The following SEPTIN9 variants were observed in gnomAD, a reference collection of about 807,000 sequenced individuals.
SEPTIN9 encodes septin-9.
A neutral mutation model predicts 56.6 loss-of-function variants in SEPTIN9; 13 were observed. The ratio of observed to expected loss-of-function variants is 0.23; its 90% CI spans 0.15 to 0.37. The LOEUF is 0.37. Among genes scored for constraint, SEPTIN9 ranks in the 10% least tolerant of loss-of-function variants. The pLI is 1.00. For synonymous variants in SEPTIN9, 332 were observed against 334.1 expected, an observed-to-expected ratio of 0.99 and a Z score of 0.07; for missense variants, 650 against 823.1, an observed-to-expected ratio of 0.79 and a Z score of 2.57.
intron 2 of SEPTIN9, among the ~76,000 whole-genome samples, chr17:77,335,610 C>A (rs935117664): frequency 6.7e-6 from 1 of 149,468 alleles, no homozygotes; most frequent in Non-Finnish European, 1.5e-5. Flanking sequence ...ACATGTAGGC[C>A]CCATGTTGAC....
At chr17:77,299,922 C>T (rs2031963183) in intron 1 of SEPTIN9, among the ~76,000 whole-genome samples, 1 of 152,236 alleles carries the variant, frequency 6.6e-6, no homozygotes, top group South Asian at 2.1e-4. Context: ...TGGCTCTCCC[C>T]CAGCCCTCCT....
At chr17:77,461,253 C>T (rs1211977989) in intron 3 of SEPTIN9, among the ~76,000 whole-genome samples, 1 of 151,954 alleles carries the variant, frequency 6.6e-6, no homozygotes, top group East Asian at 1.9e-4. Context: ...TTGCAGTGAG[C>T]CGAGATCACA....
chr17:77,341,219 C>G (rs2044241648), intron 2 of SEPTIN9, among the ~76,000 whole-genome samples: 1 of 152,156 alleles, frequency 6.6e-6, no homozygotes, highest in African/African-American at 2.4e-5. Context: ...TCAGCTTAAT[C>G]ATTTCTAGCT....
chr17:77,464,539 A>C (rs1248010859), intron 3 of SEPTIN9, among the ~76,000 whole-genome samples: 1 of 151,758 alleles, frequency 6.6e-6, no homozygotes, highest in Non-Finnish European at 1.5e-5. Context: ...TCACAGACAC[A>C]CTCAGAATAA....
rs751525520 is a variant in SEPTIN9 at position 77,429,272 on chromosome 17, T to G, written c.721+26569T>G. ...ACCGTGACCTTGATCTGACCGTAAT[T>G]TTGATGGTGCCGATGCCGTCAGCAC... is the stretch of plus-strand genomic sequence containing the variant. On this transcript the variant is annotated intron_variant, in intron 3 of 11. Transcript: ENST00000427177. The surrounding 1 kb of genome is among the most constrained non-coding windows in gnomAD (Gnocchi z 5.2). 8.5e-6 allele frequency: 4 copies of G among 471,236 alleles called. No homozygotes were observed. The highest frequency in any genetic ancestry group is 1.8e-5 in the Non-Finnish European group (4 of 227,180). 29.2% of individuals were successfully genotyped at this position (471,236 alleles called of 1,614,324 possible).
In SEPTIN9 at chr17:77,402,030, C is replaced by T. The variant is rs8082532; in HGVS notation, c.77-29C>T. 1,049 of 1,601,820 alleles carry T rather than the reference C, an allele frequency of 6.5e-4. 4 individuals carry two copies. The African/African-American group carries it at 0.013, about 19-fold the overall frequency. ...GAGTGTTCCCTAGCCATCCATTCAC[C>T]AATTGCATCCCCTCTCTTTATTTTT... On this transcript the variant is annotated intron_variant, in intron 2 of 11. Coordinates refer to ENST00000427177, the MANE Select transcript of SEPTIN9 (RefSeq NM_001113491.2). The surrounding 1 kb of genome is among the most constrained non-coding windows in gnomAD (Gnocchi z 6.6).
chr17:77,420,650 C>CTGT (rs2036666468), intron 3 of SEPTIN9, among the ~76,000 whole-genome samples: 1 of 152,132 alleles, frequency 6.6e-6, no homozygotes, highest in African/African-American at 2.4e-5. Context: ...CTCCTGCTGC[C>CTGT]CCTGCTCCTC....
At chr17:77,308,369 C>T (rs978174504) in intron 2 of SEPTIN9, among the ~76,000 whole-genome samples, 9 of 152,232 alleles carry the variant, frequency 5.9e-5, no homozygotes, top group East Asian at 1.9e-4. Context: ...CAGGACAAGG[C>T]GCCTACGGGG....
At position 77,498,504 on chromosome 17, in the gene SEPTIN9, C is replaced by T; in HGVS notation, c.1626-19C>T. On this transcript the variant is annotated intron_variant, in intron 11 of 11. Transcript: ENST00000427177. ...CGCTGCGCCCACCTCACTGACCCGC[C>T]CGCCCCCCACCCCCACAGGACGCAC... 6.7e-6 allele frequency: 3 copies of T among 447,558 alleles called. No individual in the cohort carries two copies. Among genetic ancestry groups the T allele is most frequent in the Non-Finnish European group, 1.3e-5 (3 of 226,780 alleles). 27.7% of individuals were successfully genotyped at this position (447,558 alleles called of 1,614,324 possible).
At chr17:77,396,334 C>T (rs142602943) in intron 2 of SEPTIN9, among the ~76,000 whole-genome samples, 69 of 152,316 alleles carry the variant, frequency 4.5e-4, no homozygotes, top group African/African-American at 1.6e-3. Flanking sequence ...CTCCCTGCTG[C>T]GTGGGTCCTT....
chr17:77,492,960 A>G lies in SEPTIN9; in HGVS notation c.1477-20A>G. ...GCCTTCCCGCACATGTGTAACCAAT[A>G]CCGTCTGCCCGTTCCCCAGGAGATG... On this transcript the variant is annotated intron_variant, in intron 9 of 11. Coordinates refer to ENST00000427177, the MANE Select transcript of SEPTIN9 (RefSeq NM_001113491.2). The surrounding 1 kb of genome is among the most constrained non-coding windows in gnomAD (Gnocchi z 5.4). 1 of 1,554,778 alleles carries G rather than the reference A, an allele frequency of 6.4e-7. No individual in the cohort carries two copies. The highest frequency in any genetic ancestry group is 8.7e-7 in the Non-Finnish European group (1 of 1,148,024).
intron 1 of SEPTIN9, chr17:77,287,944 C>T: frequency 2.9e-6 from 3 of 1,048,570 alleles, no homozygotes; most frequent in African/African-American, 1.7e-5. Context: ...GAACTCAAGT[C>T]GCTGGTCATC....
Position 77,390,525 on chromosome 17 carries a change from C to T in SEPTIN9, c.77-11534C>T, listed in dbSNP as rs185275352. 5.3e-3 allele frequency among the ~76,000 whole-genome samples: 760 copies of T among 143,812 alleles called. 7 individuals are homozygous for T. The highest frequency in any genetic ancestry group is 0.019 in the African/African-American group (721 of 38,402). 94.3% of individuals were successfully genotyped at this position (143,812 alleles called of 152,430 possible). ...GGAGTGCAGTGGCGCGATCTCGGCTCGCTGCAAGCTCCGCCTCCCGGGTTC... is the reference window on the plus strand; with the variant it reads ...GGAGTGCAGTGGCGCGATCTCGGCTTGCTGCAAGCTCCGCCTCCCGGGTTC... On this transcript the variant is annotated intron_variant, in intron 2 of 11. Transcript: ENST00000427177.
intron 3 of SEPTIN9, among the ~76,000 whole-genome samples, chr17:77,412,696 A>T (rs1409127697): frequency 1.3e-5 from 2 of 152,190 alleles, no homozygotes; most frequent in African/African-American, 4.8e-5. Flanking sequence ...ACTGCACTCC[A>T]GCCTGGGTGA....
In SEPTIN9 at chr17:77,306,033, TTGGGTGGA is replaced by T. The variant is rs561992876; in HGVS notation, c.20-1096_20-1089del. Among the ~76,000 whole-genome samples the T allele has an allele frequency of 2.6e-3, 365 of 141,182 alleles. 2 individuals carry two copies. Among genetic ancestry groups the T allele is most frequent in the African/African-American group, 9.1e-3 (339 of 37,184 alleles). The allele number at this position is 141,182 out of a possible 152,430, so 92.6% of individuals were successfully genotyped here. A position where few individuals can be genotyped will look rare whatever the true frequency, so the allele number is the denominator to read the frequency against. ...GTGGGTGAAGGGCTGAATAGGTGGG[TTGGGTGGA>T]TGGGTGGATGGATGTGTGGAGGGGT... On this transcript the variant is annotated intron_variant, in intron 1 of 11. Transcript: ENST00000427177.
chr17:77,320,853 C>T (rs892987990), intron 2 of SEPTIN9, among the ~76,000 whole-genome samples: 10 of 152,222 alleles, frequency 6.6e-5, no homozygotes, highest in African/African-American at 1.9e-4. Flanking sequence ...AAGCTCCCGG[C>T]GCTCAGAGGA....
chr17:77,476,034 C>A lies in SEPTIN9; in HGVS notation c.722-6110C>A. The A allele has an allele frequency of 1.0e-6, 1 of 971,462 alleles. No individual in the cohort carries two copies. The highest frequency in any genetic ancestry group is 1.5e-6 in the Non-Finnish European group (1 of 647,876). 60.2% of individuals were successfully genotyped at this position (971,462 alleles called of 1,614,324 possible). A position where few individuals can be genotyped will look rare whatever the true frequency, so the allele number is the denominator to read the frequency against. On this transcript the variant is annotated intron_variant, in intron 3 of 11. Transcript: ENST00000427177. The surrounding 1 kb of genome is among the most constrained non-coding windows in gnomAD (Gnocchi z 6.0). ...CTGGGGTGCAGGCCCGGCTGTCACT[C>A]CCCTGGAGCTGGGAATGGCATTGGG...
intron 2 of SEPTIN9, among the ~76,000 whole-genome samples, chr17:77,390,135 G>A (rs2144028800): frequency 6.6e-6 from 1 of 152,016 alleles, no homozygotes; most frequent in East Asian, 2.0e-4. Context: ...GCCTCCTCTG[G>A]AGCCTTTACT....
At chr17:77,287,833 C>T in intron 1 of SEPTIN9, 4 of 994,920 alleles carry the variant, frequency 4.0e-6, no homozygotes, top group African/African-American at 1.7e-5. Context: ...GCCTGAAAAC[C>T]TCCAGGACAG....
Sources: gnomAD v4.1 joint callset for allele counts (sites outside exome capture counted in the v4.1 genomes callset) on GRCh38, gnomAD v4.1.1 for gene constraint, Gnocchi (gnomAD v3.1) non-coding constraint, MANE v1.5 for transcripts, NCBI Gene and HGNC (gene_info 2026-07-23, HGNC 2026-07-21) for gene names.